PPP2R5C: variants seen among roughly 807,000 people sequenced by gnomAD.
PPP2R5C encodes protein phosphatase 2 regulatory subunit B'gamma.
In PPP2R5C, 7 loss-of-function variants were observed where a neutral mutation model predicts 68.9. The observed-to-expected ratio is 0.10, with a 90% CI of 0.06 to 0.19. PPP2R5C has a LOEUF of 0.19. Among genes scored for constraint, PPP2R5C ranks in the 10% least tolerant of loss-of-function variants. PPP2R5C has a pLI of 1.00. For synonymous variants in PPP2R5C, 210 were observed against 222.2 expected (o/e 0.95, Z 0.49); for missense variants, 348 against 641.3 (o/e 0.54, Z 4.94).
intron 5 of PPP2R5C, among the ~76,000 whole-genome samples, chr14:101,883,857 C>T (rs2044309736): frequency 6.6e-6 from 1 of 152,148 alleles, no homozygotes; most frequent in Non-Finnish European, 1.5e-5. Context: ...GTCAAGTTTC[C>T]TGGAAATGTG....
chr14:101,878,872 G>A (rs1482841589), intron 2 of PPP2R5C, among the ~76,000 whole-genome samples: 1 of 152,242 alleles, frequency 6.6e-6, no homozygotes, highest in Non-Finnish European at 1.5e-5. Flanking sequence ...GGGCACTGTG[G>A]CCTAGCCGGG....
rs535073240 is a variant in PPP2R5C at position 101,817,334 on chromosome 14, A to T, written c.94+7298A>T. Reference sequence around the variant, plus strand: ...TTCTCTGGTGAAGGAAATATCTTTAAAAAGGGTCTGCTTTGGAAAAAATGT... The same window carrying T: ...TTCTCTGGTGAAGGAAATATCTTTATAAAGGGTCTGCTTTGGAAAAAATGT... On this transcript the variant is annotated intron_variant, in intron 1 of 13. Coordinates refer to ENST00000334743, the Ensembl canonical transcript of PPP2R5C. Among the ~76,000 whole-genome samples the T allele has an allele frequency of 3.9e-4, 59 of 152,284 alleles. 1 individual carries two copies. In the South Asian group the frequency reaches 0.012, roughly 30 times the overall value.
intron 1 of PPP2R5C, among the ~76,000 whole-genome samples, chr14:101,850,988 T>C (rs1448483042): frequency 6.6e-6 from 1 of 152,222 alleles, no homozygotes; most frequent in Non-Finnish European, 1.5e-5. Flanking sequence ...AATAAATACA[T>C]TTGAAAGACA....
chr14:101,769,525 T>C (rs1299262374), intron 2 of PPP2R5C, among the ~76,000 whole-genome samples: 1 of 152,228 alleles, frequency 6.6e-6, no homozygotes, highest in Non-Finnish European at 1.5e-5. Flanking sequence ...ATTAAGAGGC[T>C]TATTTATCAC....
chr14:101,773,005 C>CCT (rs1006483601), intron 2 of PPP2R5C, among the ~76,000 whole-genome samples: 14 of 152,086 alleles, frequency 9.2e-5, no homozygotes, highest in Non-Finnish European at 1.5e-4. Flanking sequence ...GGGATCATAC[C>CCT]CTCTCTCGGT....
intron 1 of PPP2R5C, chr14:101,819,016 A>G: frequency 3.9e-6 from 6 of 1,551,388 alleles, no homozygotes; most frequent in Middle Eastern, 1.7e-4. Flanking sequence ...AGAACCCTCA[A>G]GCCCTAAAGT....
intron 3 of PPP2R5C, chr14:101,803,284 C>G (rs983952080): frequency 1.3e-5 from 2 of 152,244 alleles, no homozygotes; most frequent in Non-Finnish European, 1.5e-5. Flanking sequence ...TTAGCACAGC[C>G]CCTGCGCAAG....
At chr14:101,922,598 G>A (rs899761364) in intron 13 of PPP2R5C, among the ~76,000 whole-genome samples, 8 of 151,532 alleles carry the variant, frequency 5.3e-5, no homozygotes, top group Non-Finnish European at 7.4e-5. Flanking sequence ...AGAATTGCTC[G>A]AAGCCAGGAG....
chr14:101,800,805 A>T (rs2038833029), intron 3 of PPP2R5C, among the ~76,000 whole-genome samples: 2 of 152,244 alleles, frequency 1.3e-5, no homozygotes. Flanking sequence ...AATAGCCAAG[A>T]AATGAAATCA....
intron 2 of PPP2R5C, among the ~76,000 whole-genome samples, chr14:101,778,427 T>C (rs1436910717): frequency 1.3e-5 from 2 of 152,244 alleles, no homozygotes; most frequent in Non-Finnish European, 2.9e-5. Flanking sequence ...GGTTTATCTG[T>C]TTTCTTTTTA....
intron 12 of PPP2R5C, chr14:101,914,311 C>T (rs905686956): frequency 2.5e-6 from 1 of 392,862 alleles, no homozygotes; most frequent in Non-Finnish European, 5.1e-6. Flanking sequence ...AGTCGCATGG[C>T]ACATGGTCTC....
chr14:101,903,184 T>C (rs2045808895), intron 9 of PPP2R5C, among the ~76,000 whole-genome samples: 1 of 152,074 alleles, frequency 6.6e-6, no homozygotes. Context: ...AAGGAGAGAC[T>C]GGCAGTCGTG....
intron 12 of PPP2R5C, chr14:101,914,511 A>G (rs1396460444): frequency 4.1e-5 from 7 of 171,948 alleles, no homozygotes; most frequent in Non-Finnish European, 1.3e-5. Context: ...TGGGTTTTCA[A>G]AGTTTGGTTT....
At chr14:101,773,654 C>G (rs930214837) in intron 2 of PPP2R5C, among the ~76,000 whole-genome samples, 2 of 152,052 alleles carry the variant, frequency 1.3e-5, no homozygotes, top group African/African-American at 4.8e-5. Context: ...AACAGCCTGC[C>G]TAGACAGGGT....
chr14:101,761,720 T>G, upstream of PPP2R5C: 2 of 860,098 alleles, frequency 2.3e-6, no homozygotes, highest in Non-Finnish European at 2.7e-6. Context: ...CCGCCGTGGC[T>G]GCCGCAGCCT....
chr14:101,814,282 C>A (rs1018208026), intron 1 of PPP2R5C, among the ~76,000 whole-genome samples: 1 of 152,240 alleles, frequency 6.6e-6, no homozygotes, highest in Non-Finnish European at 1.5e-5. Flanking sequence ...CTGCAGCTCT[C>A]TGCAAAGTGA....
Position 101,917,980 on chromosome 14 carries a change from T to G in PPP2R5C, c.1443+33T>G. On this transcript the variant is annotated intron_variant, in intron 13 of 13. Transcript: ENST00000334743. The surrounding 1 kb of genome is among the most constrained non-coding windows in gnomAD (Gnocchi z 4.4). ...TGCACCGAGCTCAGCTGGGCACCCATGACTGATTTGCTTAAGAAATGCACA... is the reference window on the plus strand; with the variant it reads ...TGCACCGAGCTCAGCTGGGCACCCAGGACTGATTTGCTTAAGAAATGCACA... The G allele has an allele frequency of 6.2e-7, 1 of 1,612,998 alleles. No homozygotes were observed. Among genetic ancestry groups the G allele is most frequent in the Non-Finnish European group, 8.5e-7 (1 of 1,179,270 alleles).
In PPP2R5C at chr14:101,818,961, T is replaced by C. The variant is rs1380348541; in HGVS notation, c.94+8925T>C. The C allele has an allele frequency of 6.8e-6, 10 of 1,477,854 alleles. No homozygotes were observed. In the East Asian group the frequency reaches 1.5e-4, roughly 22 times the overall value. The allele number at this position is 1,477,854 out of a possible 1,614,324, so 91.5% of individuals were successfully genotyped here. On this transcript the variant is annotated intron_variant, in intron 1 of 13. Coordinates refer to ENST00000334743, the Ensembl canonical transcript of PPP2R5C. ...GTTCTAATTATGGTATTTTAACTTA[T>C]AACTTATGAAAAAGTTATGTTTCAC...
intron 2 of PPP2R5C, among the ~76,000 whole-genome samples, chr14:101,873,780 C>G (rs552334462): frequency 1.3e-5 from 2 of 152,306 alleles, no homozygotes; most frequent in Admixed American, 1.3e-4. Context: ...AATCCTGGGT[C>G]CCACCTGGGT....
Sources: allele counts gnomAD v4.1 joint callset (sites outside exome capture counted in the v4.1 genomes callset), GRCh38; gene constraint gnomAD v4.1.1; non-coding constraint Gnocchi (gnomAD v3.1); transcripts MANE v1.5; gene names NCBI Gene and HGNC (gene_info 2026-07-23, HGNC 2026-07-21).